Variants in ABCF2 observed in about 807,000 individuals in gnomAD.
The protein encoded by ABCF2 is ATP-binding cassette sub-family F member 2.
ABCF2 carries 37 observed loss-of-function variants against 76.9 expected under a neutral mutation model. The ratio of observed to expected loss-of-function variants is 0.48; its 90% confidence interval spans 0.37 to 0.63. ABCF2 has a LOEUF of 0.63. ABCF2 is among the 30% of genes least tolerant of loss of function. The probability of loss-of-function intolerance (pLI) is 0.00; values close to 1 mark genes in which losing one functional copy is unlikely to be tolerated. For synonymous variants in ABCF2, 299 were observed against 283.7 expected (o/e 1.05, Z -0.54); for missense variants, 524 against 782.1 (o/e 0.67, Z 3.94).
chr7:151,218,696 C>T, intron 9 of ABCF2, 46 bp from the exon 10 acceptor site: 1 of 1,613,308 alleles, frequency 6.2e-7, no homozygotes, highest in East Asian at 2.2e-5. Context: ...CTTTCTTATC[C>T]ACCTCACCTT....
chr7:151,221,888 G>A, intron 6 of ABCF2: 1 of 512,340 alleles, frequency 2.0e-6, no homozygotes. Context: ...GACAGCCTGA[G>A]TTTCCTCAAT....
chr7:151,225,727 TG>T (rs1802359035), intron 2 of ABCF2, among the ~76,000 whole-genome samples: 1 of 152,222 alleles, frequency 6.6e-6, no homozygotes, highest in Admixed American at 6.5e-5. Context: ...GCCAAGGGCC[TG>T]GAATAGTCTT....
chr7:151,224,202 C>T (rs553695399), intron 3 of ABCF2, 88 bp from the exon 4 acceptor site: 4 of 1,353,968 alleles, frequency 3.0e-6, no homozygotes, highest in African/African-American at 1.5e-5. Flanking sequence ...CAAACTGGGA[C>T]CTCATCCATT....
chr7:151,224,669 C>T (rs1248830061), intron 3 of ABCF2, 107 bp downstream of exon 3: 6 of 1,046,530 alleles, frequency 5.7e-6, no homozygotes, highest in Admixed American at 5.6e-5. Flanking sequence ...GTCTCCCATC[C>T]CTATTCTAAA....
Position 151,211,637 on chromosome 7 carries a change from G to A in ABCF2, c.*2417C>T, listed in dbSNP as rs1272641367. 1.0e-6 allele frequency: 1 copy of A among 985,256 alleles called. No homozygotes were observed. The highest frequency in any genetic ancestry group is 1.7e-5 in the African/African-American group (1 of 57,184). 61.0% of individuals were successfully genotyped at this position (985,256 alleles called of 1,614,324 possible). A position where few individuals can be genotyped will look rare whatever the true frequency, so the allele number is the denominator to read the frequency against. On this transcript the variant is annotated 3_prime_UTR_variant, in exon 15 of 15. Coordinates refer to ENST00000287844, the MANE Select transcript of ABCF2 (RefSeq NM_007189.3). ...AGTATGGAGACTCTGGAGATCCCGA[G>A]ACTACCTGAATTCTTAGCAATATCC...
At chr7:151,219,006 C>G in intron 8 of ABCF2, 58 bp downstream of exon 8, 3 of 1,599,822 alleles carry the variant, frequency 1.9e-6, no homozygotes, top group Non-Finnish European at 2.6e-6. Flanking sequence ...TGCCCTCATC[C>G]GAGCCCCCTG....
chr7:151,223,625 A>T (rs1242718939), intron 5 of ABCF2, 53 bp downstream of exon 5: 7 of 1,528,818 alleles, frequency 4.6e-6, no homozygotes, highest in Non-Finnish European at 4.4e-6. Context: ...GTGAACACTA[A>T]ACACTGGAGA....
In ABCF2 at chr7:151,219,079, C is replaced by T. The variant is rs1338614848; in HGVS notation, c.1002G>A (p.Gln334=). ...GTCTCCCTACCTTCATGTGTGCAATCTGATCTTGCTCCCAGTGAAACCTCT... is the reference window on the plus strand; with the variant it reads ...GTCTCCCTACCTTCATGTGTGCAATTTGATCTTGCTCCCAGTGAAACCTCT... The part of the protein sequence containing the change: ...QMKRFHWEQD[Q]IAHMKNYIAR... Residue 334 remains glutamine (Q), a synonymous_variant, in exon 8 of 15, where the codon CAG becomes CAA. Transcript: ENST00000287844. 17 of 1,614,104 alleles carry T rather than the reference C, an allele frequency of 1.1e-5. No individual in the cohort carries two copies. In the East Asian group the frequency reaches 3.8e-4, roughly 36 times the overall value.
Position 151,215,757 on chromosome 7 carries a change from G to C in ABCF2, c.1402-25C>G. ...GCTACAGGAAAAATGGAAGCCACCC[G>C]GGTGTGACTGGCATCCCGCTTCAAA... On this transcript the variant is annotated intron_variant, in intron 12 of 14. Transcript: ENST00000287844. This position sits in a 1 kb window ranked among gnomAD's most constrained non-coding sequence, Gnocchi z 4.6. The C allele has an allele frequency of 1.2e-6, 2 of 1,613,962 alleles. No homozygotes were observed. The highest frequency in any genetic ancestry group is 2.2e-5 in the South Asian group (2 of 91,072).
chr7:151,226,693 TAAC>T (rs902166676), intron 1 of ABCF2, 193 bp from the exon 2 acceptor site: 2 of 456,144 alleles, frequency 4.4e-6, no homozygotes, highest in African/African-American at 4.1e-5. Flanking sequence ...CTTCTAATCT[TAAC>T]ATCTCTTCCC....
intron 11 of ABCF2, among the ~76,000 whole-genome samples, chr7:151,217,791 CAA>C (rs376651941): frequency 6.1e-5 from 8 of 131,596 alleles, no homozygotes; most frequent in Admixed American, 7.7e-5. Flanking sequence ...GACTCCACCT[CAA>C]AAAAAAAAAA....
intron 11 of ABCF2, among the ~76,000 whole-genome samples, chr7:151,217,307 G>A (rs1424933673): frequency 6.6e-6 from 1 of 152,154 alleles, no homozygotes; most frequent in Non-Finnish European, 1.5e-5. Context: ...GACAGGTGCA[G>A]CTTTGGAATT....
At position 151,213,976 on chromosome 7, in the gene ABCF2, T is replaced by C; in HGVS notation, c.*78A>G. On this transcript the variant is annotated 3_prime_UTR_variant, in exon 15 of 15. Coordinates refer to ENST00000287844, the MANE Select transcript of ABCF2 (RefSeq NM_007189.3). ...GCAATGCAGGAGTGTAGCCCCAGGG[T>C]CCTGTCCTGAGCGGCTGGTCAGGTT... The C allele has an allele frequency of 1.3e-6, 2 of 1,585,412 alleles. No individual in the cohort carries two copies. Among genetic ancestry groups the C allele is most frequent in the Non-Finnish European group, 1.7e-6 (2 of 1,168,582 alleles).
chr7:151,226,016 C>T (rs1802365032), intron 2 of ABCF2, among the ~76,000 whole-genome samples: 1 of 152,122 alleles, frequency 6.6e-6, no homozygotes, highest in Non-Finnish European at 1.5e-5. Context: ...GAAATGGAAA[C>T]TGAGAAAGGG....
At chr7:151,225,259 CTCTT>C (rs561850818) in intron 2 of ABCF2, among the ~76,000 whole-genome samples, 19 of 152,336 alleles carry the variant, frequency 1.2e-4, no homozygotes, top group South Asian at 6.2e-4. Context: ...GACTTTATTG[CTCTT>C]TCTAATTGCT....
chr7:151,216,907 A>G (rs1802162502), intron 11 of ABCF2, among the ~76,000 whole-genome samples: 1 of 152,208 alleles, frequency 6.6e-6, no homozygotes, highest in Admixed American at 6.5e-5. Context: ...TAAGATATTT[A>G]CCCAATTTTT....
Position 151,224,124 on chromosome 7 carries a change from G to A in ABCF2, c.368-10C>T, listed in dbSNP as rs1234606290. On this transcript the variant is annotated splice_polypyrimidine_tract_variant and intron_variant, in intron 3 of 14. Transcript: ENST00000287844. ...AGCAGCATGGACTTTCCTGAGAGGG[G>A]AGAGCAGCAGACGCTTGGTACAGTG... The A allele has an allele frequency of 1.2e-6, 2 of 1,613,906 alleles. No homozygotes were observed. The highest frequency in any genetic ancestry group is 2.2e-5 in the South Asian group (2 of 91,086).
Position 151,223,770 on chromosome 7 carries a change from C to G in ABCF2, c.630G>C (p.Arg210=). 6.2e-7 allele frequency: 1 copy of G among 1,613,898 alleles called. No homozygotes were observed. Among genetic ancestry groups the G allele is most frequent in the Non-Finnish European group, 8.5e-7 (1 of 1,179,898 alleles). ...DADKAEMRAS[R]ILHGLGFTPA... is the part of the protein sequence containing the mutation. ...GTGTGAAACCCAGTCCATGCAAGATCCGCGAGGCCCTCATCTCTGCCTTGT... is the reference window on the plus strand; with the variant it reads ...GTGTGAAACCCAGTCCATGCAAGATGCGCGAGGCCCTCATCTCTGCCTTGT... Residue 210 remains arginine, a synonymous_variant, in exon 5 of 15, where the codon CGG becomes CGC. Coordinates refer to ENST00000287844, the MANE Select transcript of ABCF2 (RefSeq NM_007189.3).
intron 10 of ABCF2, 111 bp downstream of exon 10, chr7:151,218,450 C>T: frequency 1.0e-6 from 1 of 990,266 alleles, no homozygotes; most frequent in East Asian, 2.5e-5. Flanking sequence ...TGAAAATCCC[C>T]CAGAGCACGT....
Sources: allele counts gnomAD v4.1 joint callset (sites outside exome capture counted in the v4.1 genomes callset), GRCh38; gene constraint gnomAD v4.1.1; non-coding constraint Gnocchi (gnomAD v3.1); transcripts MANE v1.5; gene names NCBI Gene and HGNC (gene_info 2026-07-23, HGNC 2026-07-21).